CNDP1: variants seen among roughly 807,000 people sequenced by gnomAD.
The protein encoded by CNDP1 is carnosine dipeptidase 1, also known as beta-Ala-His dipeptidase.
CNDP1 carries 44 observed loss-of-function variants against 58.1 expected under a neutral mutation model. The ratio of observed to expected loss-of-function variants is 0.76; its 90% CI spans 0.60 to 0.97. CNDP1 has a LOEUF of 0.97. Ranked by LOEUF, CNDP1 falls within the 50% of genes least tolerant of loss-of-function variation. The probability of loss-of-function intolerance (pLI) is 0.00; values close to 1 mark genes in which losing one functional copy is unlikely to be tolerated. For synonymous variants in CNDP1, 254 were observed against 252.6 expected (o/e 1.01, Z -0.05); for missense variants, 616 against 655.1 (o/e 0.94, Z 0.65).
intron 7 of CNDP1, among the ~76,000 whole-genome samples, chr18:74,572,345 A>G (rs542535376): frequency 1.3e-5 from 2 of 152,110 alleles, no homozygotes; most frequent in South Asian, 4.2e-4. Context: ...CACTTACAGG[A>G]GCTCCTTCCA....
intron 4 of CNDP1, chr18:74,561,296 A>T (rs779678744): frequency 1.1e-5 from 3 of 281,722 alleles, no homozygotes; most frequent in Non-Finnish European, 2.1e-5. Flanking sequence ...GGCGCCTGTA[A>T]TCCCAGCTAC....
At chr18:74,562,250 A>G (rs1188656269) in intron 5 of CNDP1, 115 bp downstream of exon 5, 2 of 870,096 alleles carry the variant, frequency 2.3e-6, no homozygotes, top group Non-Finnish European at 3.8e-6. Context: ...CGCCCCAACA[A>G]TCTTTGGAGG....
chr18:74,576,822 G>T, intron 7 of CNDP1, 47 bp from the exon 8 acceptor site: 1 of 1,552,312 alleles, frequency 6.4e-7, no homozygotes, highest in Non-Finnish European at 8.7e-7. Flanking sequence ...CCACAACATT[G>T]GCACACTCCT....
chr18:74,583,811 A>G, intron 11 of CNDP1, 103 bp downstream of exon 11: 1 of 1,171,762 alleles, frequency 8.5e-7, no homozygotes, highest in Non-Finnish European at 1.2e-6. Context: ...GAGAATGGAA[A>G]ATCGTCCAGA....
chr18:74,543,683 C>T (rs1980685729), intron 1 of CNDP1, among the ~76,000 whole-genome samples: 1 of 151,782 alleles, frequency 6.6e-6, no homozygotes, highest in South Asian at 2.1e-4. Context: ...AGAATATGCC[C>T]AGGAATCAGA....
chr18:74,543,928 T>A (rs1020791933), intron 1 of CNDP1, among the ~76,000 whole-genome samples: 1 of 150,646 alleles, frequency 6.6e-6, no homozygotes, highest in Non-Finnish European at 1.5e-5. Context: ...CTAAAAAAAA[T>A]TTAAAAATCA....
intron 1 of CNDP1, among the ~76,000 whole-genome samples, chr18:74,548,587 T>C (rs1270841529): frequency 2.0e-5 from 3 of 152,184 alleles, no homozygotes; most frequent in Non-Finnish European, 4.4e-5. Context: ...AAAGTGGTAC[T>C]GAGGAGTGGG....
At position 74,550,225 on chromosome 18, in the gene CNDP1, G is replaced by A. The variant is rs142196656; in HGVS notation, c.25-6113G>A. Among the ~76,000 whole-genome samples, 15 of 152,278 alleles carry A rather than the reference G, an allele frequency of 9.9e-5. No homozygotes were observed. In the East Asian group the frequency reaches 2.3e-3, roughly 23 times the overall value. On this transcript the variant is annotated intron_variant, in intron 1 of 11. Coordinates refer to ENST00000358821, the MANE Select transcript of CNDP1 (RefSeq NM_032649.6). ...ATCCTAACCTTGGAAAAGCCATAGC[G>A]GTGGAGCTTCCCAAGGCCTTGGGAG...
intron 1 of CNDP1, among the ~76,000 whole-genome samples, chr18:74,535,280 A>G (rs1373807181): frequency 1.3e-5 from 2 of 152,246 alleles, no homozygotes; most frequent in Non-Finnish European, 2.9e-5. Context: ...ACTTGGAAAG[A>G]TAAAATTCAT....
At chr18:74,584,121 G>C in intron 11 of CNDP1, 1 of 282,792 alleles carries the variant, frequency 3.5e-6, no homozygotes, top group Non-Finnish European at 6.7e-6. Context: ...CAAATATTTA[G>C]TGCATAACAA....
At chr18:74,584,359 G>C in intron 11 of CNDP1, 137 bp from the exon 12 acceptor site, 1 of 633,136 alleles carries the variant, frequency 1.6e-6, no homozygotes, top group Non-Finnish European at 2.8e-6. Flanking sequence ...TTTTCATACT[G>C]GGATCTCAGA....
chr18:74,557,467 G>A (rs369562635), intron 2 of CNDP1, among the ~76,000 whole-genome samples: 2 of 152,166 alleles, frequency 1.3e-5, no homozygotes, highest in African/African-American at 4.8e-5. Context: ...GGAGGCCTGG[G>A]GAGCAGGAGG....
At chr18:74,550,685 T>C (rs561612714) in intron 1 of CNDP1, among the ~76,000 whole-genome samples, 12 of 151,920 alleles carry the variant, frequency 7.9e-5, no homozygotes, top group African/African-American at 2.9e-4. Context: ...CATGCCATTC[T>C]CTTGCCTCAG....
rs140315869 is a variant in CNDP1, at chr18:74,568,123, G to A, written c.756+690G>A. 1.5e-3 allele frequency among the ~76,000 whole-genome samples: 229 copies of A among 152,294 alleles called. 1 individual carries two copies. Among genetic ancestry groups the A allele is most frequent in the African/African-American group, 5.2e-3 (216 of 41,556 alleles). ...GCATAAGACATAGAAAGTCCCTCCC[G>A]GGTAAATAGCTAATTATTTCATCAT... On this transcript the variant is annotated intron_variant, in intron 6 of 11. Transcript: ENST00000358821.
intron 1 of CNDP1, among the ~76,000 whole-genome samples, chr18:74,548,820 A>G (rs1218302626): frequency 1.3e-5 from 2 of 152,218 alleles, no homozygotes; most frequent in Non-Finnish European, 2.9e-5. Context: ...TGGGAACTGG[A>G]GCAAAGCTCA....
chr18:74,534,761 G>A lies in CNDP1; in HGVS notation c.24+70G>A, dbSNP rs1031846348. 3.1e-6 allele frequency: 5 copies of A among 1,588,000 alleles called. No individual in the cohort carries two copies. The African/African-American group carries it at 5.4e-5, about 17-fold the overall frequency. On this transcript the variant is annotated intron_variant, in intron 1 of 11. Coordinates refer to ENST00000358821, the MANE Select transcript of CNDP1 (RefSeq NM_032649.6). Reference sequence around the variant, plus strand: ...AATTCCATTTGTCCCGGGAGCATGTGCGTTAAGCCCAGTTGGGCAGGGCAG... The same window carrying A: ...AATTCCATTTGTCCCGGGAGCATGTACGTTAAGCCCAGTTGGGCAGGGCAG...
chr18:74,536,785 C>G (rs1012166444), intron 1 of CNDP1, among the ~76,000 whole-genome samples: 45 of 152,338 alleles, frequency 3.0e-4, no homozygotes, highest in African/African-American at 1.1e-3. Flanking sequence ...TCCCTTTTCT[C>G]TGCAACCTCA....
intron 8 of CNDP1, 125 bp from the exon 9 acceptor site, chr18:74,578,038 C>G (rs1981676893): frequency 3.6e-6 from 3 of 843,094 alleles, no homozygotes; most frequent in Non-Finnish European, 3.7e-6. Context: ...TGAGGCACAG[C>G]TGAGTAAGGT....
At chr18:74,563,125 G>C (rs1981244478) in intron 5 of CNDP1, among the ~76,000 whole-genome samples, 1 of 152,104 alleles carries the variant, frequency 6.6e-6, no homozygotes, top group African/African-American at 2.4e-5. Context: ...AGGTGCCAGG[G>C]GCTTCCCTCT....
Sources: allele counts gnomAD v4.1 joint callset (sites outside exome capture counted in the v4.1 genomes callset), GRCh38; gene constraint gnomAD v4.1.1; transcripts MANE v1.5; gene names NCBI Gene and HGNC (gene_info 2026-07-23, HGNC 2026-07-21).